Variants in PLEKHA7 observed in about 807,000 individuals in gnomAD.
PLEKHA7 encodes pleckstrin homology domain containing A7.
Under a neutral mutation model 170.0 loss-of-function variants are expected in PLEKHA7, and 104 were observed. The observed-to-expected ratio is 0.61, with a 90% CI of 0.52 to 0.72. PLEKHA7 has a LOEUF of 0.72. PLEKHA7 is among the 30% of genes least tolerant of loss of function. The pLI is 0.00. For missense variants in PLEKHA7, 1,615 were observed against 1,671.7 expected, an observed-to-expected ratio of 0.97 and a Z score of 0.59; for synonymous variants, 648 against 660.8, an observed-to-expected ratio of 0.98 and a Z score of 0.30.
Position 16,950,465 on chromosome 11 carries a change from T to C in PLEKHA7, c.221+63524A>G, listed in dbSNP as rs553527004. Reference sequence around the variant, plus strand: ...ATACCCACAAAGAAGAGGGTATGTATGTCCCTACTTCCTCTCCTTTGGGAA... The same window carrying C: ...ATACCCACAAAGAAGAGGGTATGTACGTCCCTACTTCCTCTCCTTTGGGAA... On this transcript the variant is annotated intron_variant, in intron 3 of 26. Coordinates refer to ENST00000531066, the MANE Select transcript of PLEKHA7 (RefSeq NM_001329630.2). Among the ~76,000 whole-genome samples, 3 of 151,976 alleles carry C rather than the reference T, an allele frequency of 2.0e-5. No individual in the cohort carries two copies. In the East Asian group the frequency reaches 5.8e-4, roughly 30 times the overall value.
chr11:16,789,582 C>A lies in PLEKHA7; in HGVS notation c.3156+193G>T, dbSNP rs896975278. The A allele has an allele frequency of 1.6e-6, 1 of 627,052 alleles. No homozygotes were observed. The highest frequency in any genetic ancestry group is 2.8e-6 in the Non-Finnish European group (1 of 361,290). The allele number at this position is 627,052 out of a possible 1,614,324, so 38.8% of individuals were successfully genotyped here. ...AGGCTTCTTGAGCTCCCTCCTGCCA[C>A]CCTGACAGGCCAGAGAGAAAGGCAG... is the stretch of plus-strand genomic sequence containing the variant. On this transcript the variant is annotated intron_variant, in intron 22 of 26. Coordinates refer to ENST00000531066, the MANE Select transcript of PLEKHA7 (RefSeq NM_001329630.2). The surrounding 1 kb of genome is among the most constrained non-coding windows in gnomAD (Gnocchi z 4.6).
chr11:16,814,720 C>A (rs771883583), intron 12 of PLEKHA7, among the ~76,000 whole-genome samples: 1 of 152,214 alleles, frequency 6.6e-6, no homozygotes, highest in African/African-American at 2.4e-5. Flanking sequence ...CTAACCTCTT[C>A]CAGCTTACTG....
intron 3 of PLEKHA7, among the ~76,000 whole-genome samples, chr11:16,891,180 A>C (rs1177274827): frequency 6.6e-6 from 1 of 152,118 alleles, no homozygotes; most frequent in Non-Finnish European, 1.5e-5. Context: ...CTCCCAAAGC[A>C]CTGGAATTAT....
At chr11:16,991,054 T>G (rs1009997476) in intron 3 of PLEKHA7, among the ~76,000 whole-genome samples, 11 of 152,204 alleles carry the variant, frequency 7.2e-5, no homozygotes, top group Admixed American at 7.2e-4. Flanking sequence ...TGGAAGCTAG[T>G]GCAGAGACAA....
chr11:16,807,413 G>A (rs184972015), intron 13 of PLEKHA7, among the ~76,000 whole-genome samples: 1 of 152,202 alleles, frequency 6.6e-6, no homozygotes, highest in African/African-American at 2.4e-5. Context: ...CTCCTCCCAT[G>A]GGCCATGGGA....
intron 3 of PLEKHA7, among the ~76,000 whole-genome samples, chr11:16,887,153 T>C (rs189763586): frequency 2.6e-5 from 4 of 152,188 alleles, no homozygotes; most frequent in African/African-American, 9.6e-5. Flanking sequence ...GAAAATTTCA[T>C]TGAAGGAATC....
chr11:16,942,850 G>C (rs1229532948), intron 3 of PLEKHA7, among the ~76,000 whole-genome samples: 1 of 152,288 alleles, frequency 6.6e-6, no homozygotes, highest in East Asian at 1.9e-4. Flanking sequence ...TTAGGAGACT[G>C]TCTTTTAAAA....
chr11:16,928,686 C>T, intron 3 of PLEKHA7, among the ~76,000 whole-genome samples: 1 of 152,046 alleles, frequency 6.6e-6, no homozygotes, highest in African/African-American at 2.4e-5. Flanking sequence ...AAATCCTGGG[C>T]TCAAGTGATC....
intron 8 of PLEKHA7, 66 bp downstream of exon 8, chr11:16,851,125 A>T: frequency 7.7e-7 from 1 of 1,302,872 alleles, no homozygotes; most frequent in Non-Finnish European, 1.0e-6. Flanking sequence ...AACTGCTTTT[A>T]TGAAGACATT....
intron 3 of PLEKHA7, among the ~76,000 whole-genome samples, chr11:16,961,303 G>C (rs1452863700): frequency 2.6e-5 from 4 of 152,226 alleles, no homozygotes; most frequent in Non-Finnish European, 4.4e-5. Context: ...GCAGGGCTGT[G>C]GAAAGGCCGC....
chr11:16,820,032 A>T (rs1209345010), intron 10 of PLEKHA7, among the ~76,000 whole-genome samples: 2 of 152,242 alleles, frequency 1.3e-5, no homozygotes, highest in Admixed American at 1.3e-4. Context: ...CATATATTAA[A>T]ACATCACATC....
At chr11:16,910,538 G>A (rs1177276907) in intron 3 of PLEKHA7, among the ~76,000 whole-genome samples, 1 of 152,226 alleles carries the variant, frequency 6.6e-6, no homozygotes, top group Non-Finnish European at 1.5e-5. Context: ...GATACCACTA[G>A]GGAACATCCC....
chr11:17,011,437 A>G (rs1865319370), intron 3 of PLEKHA7, among the ~76,000 whole-genome samples: 1 of 152,078 alleles, frequency 6.6e-6, no homozygotes, highest in African/African-American at 2.4e-5. Context: ...ATCCTCTCCA[A>G]TTACCGGCTA....
At chr11:16,794,027 T>C (rs1250412425) in intron 19 of PLEKHA7, among the ~76,000 whole-genome samples, 17 of 152,158 alleles carry the variant, frequency 1.1e-4, no homozygotes. Context: ...GATCAAAGCA[T>C]CCTCACAACC....
At chr11:16,885,304 T>C (rs533901005) in intron 3 of PLEKHA7, among the ~76,000 whole-genome samples, 2 of 148,788 alleles carry the variant, frequency 1.3e-5, no homozygotes, top group East Asian at 3.9e-4. Context: ...CACTCCAGCC[T>C]GGGCGACAGA....
In PLEKHA7 at chr11:16,782,900, T is replaced by C. The variant is rs1849141628; in HGVS notation, c.3651-4A>G. The C allele has an allele frequency of 6.5e-7, 1 of 1,535,860 alleles. No homozygotes were observed. The highest frequency in any genetic ancestry group is 8.7e-7 in the Non-Finnish European group (1 of 1,146,694). On this transcript the variant is annotated splice_polypyrimidine_tract_variant and splice_region_variant and intron_variant, in intron 25 of 26. Coordinates refer to ENST00000531066, the MANE Select transcript of PLEKHA7 (RefSeq NM_001329630.2). ...GGTCGGCTGTAGGTTGCACATGCTGTAGGAGGGTCGGAAGCAGACCATGGG... is the reference window on the plus strand; with the variant it reads ...GGTCGGCTGTAGGTTGCACATGCTGCAGGAGGGTCGGAAGCAGACCATGGG...
Position 16,847,388 on chromosome 11 carries a change from G to A in PLEKHA7, c.696+3803C>T, listed in dbSNP as rs184466530. ...ATTACTGGCTTGAGCCACCACGCCC[G>A]GCCAACTGTGGCTGAAGTTTAAGTA... On this transcript the variant is annotated intron_variant, in intron 8 of 26. Coordinates refer to ENST00000531066, the MANE Select transcript of PLEKHA7 (RefSeq NM_001329630.2). Among the ~76,000 whole-genome samples the A allele has an allele frequency of 5.3e-5, 8 of 152,138 alleles. No homozygotes were observed. In the South Asian group the frequency reaches 6.2e-4, roughly 12 times the overall value.
intron 9 of PLEKHA7, among the ~76,000 whole-genome samples, chr11:16,833,063 A>G (rs957289101): frequency 6.6e-6 from 1 of 152,240 alleles, no homozygotes; most frequent in Non-Finnish European, 1.5e-5. Context: ...GGAAGGAGAT[A>G]GCCAGGGAGA....
chr11:16,872,556 G>A (rs996622317), intron 3 of PLEKHA7, among the ~76,000 whole-genome samples: 1 of 152,048 alleles, frequency 6.6e-6, no homozygotes, highest in Admixed American at 6.6e-5. Flanking sequence ...GTCCCGCTCT[G>A]TTGCCCAGGT....
Sources: gnomAD v4.1 joint callset for allele counts (sites outside exome capture counted in the v4.1 genomes callset) on GRCh38, gnomAD v4.1.1 for gene constraint, Gnocchi (gnomAD v3.1) non-coding constraint, MANE v1.5 for transcripts, NCBI Gene and HGNC (gene_info 2026-07-23, HGNC 2026-07-21) for gene names.